ACSS3: variants seen among roughly 807,000 people sequenced by gnomAD.
ACSS3 encodes acyl-CoA synthetase short chain family member 3.
A neutral mutation model predicts 84.2 loss-of-function variants in ACSS3; 64 were observed. The ratio of observed to expected loss-of-function variants is 0.76; its 90% CI spans 0.62 to 0.94. The LOEUF (loss-of-function observed/expected upper bound fraction) is 0.94. Ranked by LOEUF, ACSS3 falls within the 40% of genes least tolerant of loss-of-function variation. ACSS3 has a pLI of 0.00. For missense variants in ACSS3, 815 were observed against 867.6 expected, an observed-to-expected ratio of 0.94 and a Z score of 0.76; for synonymous variants, 317 against 310.1, an observed-to-expected ratio of 1.02 and a Z score of -0.23.
At chr12:81,201,398 T>G (rs567986689) in intron 9 of ACSS3, among the ~76,000 whole-genome samples, 1 of 152,346 alleles carries the variant, frequency 6.6e-6, no homozygotes, top group Non-Finnish European at 1.5e-5. Flanking sequence ...CAAAACTCAC[T>G]GAAGAAAACT....
intron 1 of ACSS3, among the ~76,000 whole-genome samples, chr12:81,100,216 G>T (rs978161481): frequency 1.9e-4 from 20 of 106,556 alleles, no homozygotes; most frequent in East Asian, 5.4e-4. Context: ...AAAATTACCA[G>T]TTTTTTTTTT....
In ACSS3 at chr12:81,134,902, G is replaced by T. The variant is rs1422234299; in HGVS notation, c.543G>T (p.Ala181=). Residue 181 remains alanine, a synonymous_variant, in exon 3 of 16, where the codon GCG becomes GCT. Coordinates refer to ENST00000548058, the MANE Select transcript of ACSS3 (RefSeq NM_024560.4). The stretch of plus-strand genomic sequence containing the variant: ...TCTACATGCCTATGATCCCACAGGC[G>T]ATGTATACCATGTTGGCATGTGCAA... ...VVIYMPMIPQ[A]MYTMLACARI... 4 of 1,606,520 alleles carry T rather than the reference G, an allele frequency of 2.5e-6. No individual in the cohort carries two copies. The highest frequency in any genetic ancestry group is 3.4e-6 in the Non-Finnish European group (4 of 1,176,026).
At chr12:81,097,147 A>G (rs2121382226) in intron 1 of ACSS3, among the ~76,000 whole-genome samples, 1 of 152,280 alleles carries the variant, frequency 6.6e-6, no homozygotes, top group East Asian at 1.9e-4. Flanking sequence ...CCTACTGAGC[A>G]GCAGAGACAT....
At chr12:81,187,696 A>G (rs2031347673) in intron 8 of ACSS3, among the ~76,000 whole-genome samples, 1 of 152,012 alleles carries the variant, frequency 6.6e-6, no homozygotes, top group Non-Finnish European at 1.5e-5. Flanking sequence ...AAGTTAAAAA[A>G]GCATTACCTC....
chr12:81,178,706 A>G (rs1231071791), intron 8 of ACSS3, among the ~76,000 whole-genome samples: 1 of 152,170 alleles, frequency 6.6e-6, no homozygotes, highest in Non-Finnish European at 1.5e-5. Flanking sequence ...ATATTGTAAA[A>G]ATGGTCATAC....
At position 81,242,611 on chromosome 12, in the gene ACSS3, A is replaced by C. The variant is rs550638228; in HGVS notation, c.1719+9140A>C. Among the ~76,000 whole-genome samples, 56 of 148,650 alleles carry C rather than the reference A, an allele frequency of 3.8e-4. 1 individual carries two copies. The South Asian group carries it at 0.011, about 30-fold the overall frequency. On this transcript the variant is annotated intron_variant, in intron 13 of 15. Transcript: ENST00000548058. ...GAACATTGATGCAAAAATCCTCAAT[A>C]AAATACTGGCAAACTGAATCCAGCA...
intron 13 of ACSS3, 151 bp downstream of exon 13, chr12:81,233,622 T>C (rs1186635710): frequency 2.0e-6 from 2 of 976,624 alleles, no homozygotes; most frequent in East Asian, 5.2e-5. Context: ...CACCTCACTT[T>C]CTCTTTTAGA....
intron 7 of ACSS3, among the ~76,000 whole-genome samples, chr12:81,153,328 A>T (rs1333377654): frequency 6.6e-6 from 1 of 151,812 alleles, no homozygotes; most frequent in Non-Finnish European, 1.5e-5. Flanking sequence ...GAATCACTTG[A>T]ACCTGGGAGG....
At chr12:81,091,973 A>T (rs1881697337) in intron 1 of ACSS3, among the ~76,000 whole-genome samples, 2 of 152,132 alleles carry the variant, frequency 1.3e-5, no homozygotes, top group Admixed American at 1.3e-4. Flanking sequence ...AAACAGACTT[A>T]CTATGCTTGA....
chr12:81,258,914 T>A lies in ACSS3; in HGVS notation c.*3992T>A, dbSNP rs1397172442. 6.6e-6 allele frequency: 1 copy of A among 152,010 alleles called. No homozygotes were observed. The highest frequency in any genetic ancestry group is 1.5e-5 in the Non-Finnish European group (1 of 68,002). 9.4% of individuals were successfully genotyped at this position (152,010 alleles called of 1,614,324 possible). ...ACAAGAGAAGATTATGGTTTTTTAA[T>A]ATAAATTTTTAAATAATTGCTTTTG... On this transcript the variant is annotated 3_prime_UTR_variant, in exon 16 of 16. Transcript: ENST00000548058.
intron 13 of ACSS3, among the ~76,000 whole-genome samples, chr12:81,238,214 G>T (rs531551347): frequency 6.6e-6 from 1 of 151,564 alleles, no homozygotes; most frequent in Non-Finnish European, 1.5e-5. Flanking sequence ...AATTCCACCT[G>T]GTCATGGTAC....
chr12:81,164,866 A>C (rs1372852839), intron 7 of ACSS3, among the ~76,000 whole-genome samples: 5 of 152,152 alleles, frequency 3.3e-5, no homozygotes, highest in African/African-American at 1.2e-4. Context: ...GAAATATGCT[A>C]TTTCCTTTTA....
rs2034584565 is a variant in ACSS3, at chr12:81,259,214, GA to G, written c.*4294del. ...CAATCCAAAAACTGTAAAAATGGTG[GA>G]ATGGTAAAATACAAACAGTACTTGG... On this transcript the variant is annotated 3_prime_UTR_variant, in exon 16 of 16. Transcript: ENST00000548058. The G allele has an allele frequency of 4.4e-6, 1 of 228,398 alleles. No individual in the cohort carries two copies. The highest frequency in any genetic ancestry group is 1.3e-4 in the East Asian group (1 of 7,502). The allele number at this position is 228,398 out of a possible 1,614,324, so 14.1% of individuals were successfully genotyped here.
At chr12:81,182,228 G>T (rs1453924407) in intron 8 of ACSS3, among the ~76,000 whole-genome samples, 2 of 152,124 alleles carry the variant, frequency 1.3e-5, no homozygotes, top group Non-Finnish European at 2.9e-5. Flanking sequence ...TTACAGGCCA[G>T]GGGAAAATGG....
At chr12:81,130,099 T>G (rs1885392133) in intron 2 of ACSS3, among the ~76,000 whole-genome samples, 1 of 152,196 alleles carries the variant, frequency 6.6e-6, no homozygotes, top group African/African-American at 2.4e-5. Context: ...TGTGCATGTG[T>G]CTTTATGGTA....
Position 81,081,664 on chromosome 12 carries a change from T to C in ACSS3, c.311+3233T>C, listed in dbSNP as rs550483595. On this transcript the variant is annotated intron_variant, in intron 1 of 15. Coordinates refer to ENST00000548058, the MANE Select transcript of ACSS3 (RefSeq NM_024560.4). ...CTCTCTGGGCCATCAATTTATCTCT[T>C]TCTATGGAAGCATTGCAATCCAATT... 4.5e-4 allele frequency among the ~76,000 whole-genome samples: 69 copies of C among 152,354 alleles called. 2 individuals carry two copies. In the South Asian group the frequency reaches 0.014, roughly 31 times the overall value.
intron 2 of ACSS3, chr12:81,125,855 A>G (rs976392672): frequency 2.6e-5 from 4 of 152,120 alleles, no homozygotes; most frequent in African/African-American, 9.7e-5. Context: ...AGTTGCTAAA[A>G]CCCAAACTGT....
At chr12:81,153,219 C>T (rs980578260) in intron 7 of ACSS3, among the ~76,000 whole-genome samples, 1 of 151,944 alleles carries the variant, frequency 6.6e-6, no homozygotes, top group Non-Finnish European at 1.5e-5. Flanking sequence ...ACCAGCCTGC[C>T]AAACATGGTG....
chr12:81,190,782 A>C (rs1238083232), intron 8 of ACSS3, among the ~76,000 whole-genome samples: 2 of 151,926 alleles, frequency 1.3e-5, no homozygotes, highest in East Asian at 1.9e-4. Flanking sequence ...AAATTAACAA[A>C]GTTTCTATTT....
Sources: allele counts gnomAD v4.1 joint callset (sites outside exome capture counted in the v4.1 genomes callset), GRCh38; gene constraint gnomAD v4.1.1; transcripts MANE v1.5; gene names NCBI Gene and HGNC (gene_info 2026-07-23, HGNC 2026-07-21).